Variants in RANBP2 observed in about 807,000 individuals in gnomAD.
The protein encoded by RANBP2 is RAN binding protein 2.
A neutral mutation model predicts 303.6 loss-of-function variants in RANBP2; 57 were observed. The observed-to-expected ratio is 0.19, with a 90% CI of 0.15 to 0.23. The LOEUF is 0.23. Ranked by LOEUF, RANBP2 falls within the 10% of genes least tolerant of loss-of-function variation. The pLI, the probability that RANBP2 is intolerant of heterozygous loss-of-function variation, is 1.00. For missense variants in RANBP2, 3,138 were observed against 3,780.8 expected (o/e 0.83, Z 4.46); for synonymous variants, 1,167 against 1,301.5 (o/e 0.90, Z 2.23).
At chr2:108,878,938 AATAT>A in the RANBP2 span, among the ~76,000 whole-genome samples, 1 of 152,218 alleles carries the variant, frequency 6.6e-6, no homozygotes, top group Non-Finnish European at 1.5e-5. Flanking sequence ...AAAGAAATGA[AATAT>A]ATAGATATAG....
the RANBP2 span, among the ~76,000 whole-genome samples, chr2:109,414,681 C>G: frequency 6.6e-6 from 1 of 152,182 alleles, no homozygotes; most frequent in Non-Finnish European, 1.5e-5. Context: ...GCATTACCAG[C>G]ACCCTCATCA....
At chr2:108,810,830 G>A in the RANBP2 span, among the ~76,000 whole-genome samples, 1 of 152,132 alleles carries the variant, frequency 6.6e-6, no homozygotes, top group Non-Finnish European at 1.5e-5. Flanking sequence ...TTTCTTTGTT[G>A]GGAAACTTTT....
the RANBP2 span, among the ~76,000 whole-genome samples, chr2:109,472,238 C>G: frequency 6.6e-6 from 1 of 152,126 alleles, no homozygotes; most frequent in African/African-American, 2.4e-5. Context: ...GGCACTTATT[C>G]AGGGAGGTGC....
the RANBP2 span, among the ~76,000 whole-genome samples, chr2:109,400,358 C>T: frequency 6.6e-5 from 10 of 152,140 alleles, no homozygotes; most frequent in South Asian, 2.1e-4. Context: ...TTACATACAC[C>T]GCCATCCACA....
chr2:108,838,758 A>G, the RANBP2 span, among the ~76,000 whole-genome samples: 591 of 152,252 alleles, frequency 3.9e-3, 3 homozygotes, highest in Non-Finnish European at 7.2e-3. Context: ...TATCTTTTTC[A>G]GTATAAATTT....
chr2:109,615,301 G>A, the RANBP2 span: 1 of 1,603,626 alleles, frequency 6.2e-7, no homozygotes, highest in Non-Finnish European at 8.5e-7. Flanking sequence ...GAGCACGCGT[G>A]GATGCTCTCT....
chr2:109,774,625 T>C, the RANBP2 span, among the ~76,000 whole-genome samples: 4 of 76,526 alleles, frequency 5.2e-5, 1 homozygote, highest in East Asian at 1.6e-3. Context: ...AGATTTATTC[T>C]GAACTTTCAA....
chr2:108,979,428 C>G, the RANBP2 span, among the ~76,000 whole-genome samples: 1 of 44,998 alleles, frequency 2.2e-5, no homozygotes, highest in African/African-American at 5.8e-5. Flanking sequence ...TGCTGTCTCT[C>G]TCTCTCTTTC....
At chr2:109,389,823 TG>T in the RANBP2 span, among the ~76,000 whole-genome samples, 2 of 152,132 alleles carry the variant, frequency 1.3e-5, no homozygotes, top group Admixed American at 6.5e-5. Context: ...GCTTCCCTGA[TG>T]GGGGTGCACT....
the RANBP2 span, among the ~76,000 whole-genome samples, chr2:109,179,326 C>T: frequency 6.6e-6 from 1 of 152,166 alleles, no homozygotes; most frequent in Non-Finnish European, 1.5e-5. Context: ...TTCAGAGCTG[C>T]TGACAGTGAG....
chr2:109,232,511 A>G, the RANBP2 span, among the ~76,000 whole-genome samples: 1 of 152,176 alleles, frequency 6.6e-6, no homozygotes, highest in African/African-American at 2.4e-5. Flanking sequence ...CTGAGGGGGA[A>G]ATGAAACAGC....
At chr2:109,438,685 C>T in the RANBP2 span, among the ~76,000 whole-genome samples, 2 of 152,180 alleles carry the variant, frequency 1.3e-5, no homozygotes, top group Non-Finnish European at 2.9e-5. Flanking sequence ...TCTGATCAGC[C>T]GTCCTTCAGC....
chr2:109,134,075 C>A, the RANBP2 span, among the ~76,000 whole-genome samples: 1 of 152,176 alleles, frequency 6.6e-6, no homozygotes, highest in African/African-American at 2.4e-5. Context: ...CCGAGATTTT[C>A]TGTTGAACAT....
chr2:109,485,637 T>A, the RANBP2 span, among the ~76,000 whole-genome samples: 1 of 152,252 alleles, frequency 6.6e-6, no homozygotes, highest in Admixed American at 6.5e-5. Flanking sequence ...CCTTCAAAAT[T>A]CTCCTTTTTA....
rs1445506196 is a variant in RANBP2 at position 108,758,439 on chromosome 2, T to C, written c.2493T>C (p.Asn831=). ...AAGAAATGCAGGAGTTGAAACTAAA[T>C]AGCAGTAACTCAGCATCCCCTCATC... ...IKKEMQELKL[N]SSNSASPHRW... Residue 831 remains asparagine, a synonymous_variant, in exon 18 of 29, where the codon AAT becomes AAC. Transcript: ENST00000283195. 8 of 1,611,882 alleles carry C rather than the reference T, an allele frequency of 5.0e-6. No homozygotes were observed. Among genetic ancestry groups the C allele is most frequent in the Non-Finnish European group, 6.8e-6 (8 of 1,179,834 alleles).
At chr2:109,295,903 T>G in the RANBP2 span, among the ~76,000 whole-genome samples, 1 of 152,154 alleles carries the variant, frequency 6.6e-6, no homozygotes, top group African/African-American at 2.4e-5. Context: ...AGGTGGGGCT[T>G]GAGGACAGAA....
At chr2:109,159,270 G>C in the RANBP2 span, among the ~76,000 whole-genome samples, 1 of 152,134 alleles carries the variant, frequency 6.6e-6, no homozygotes, top group African/African-American at 2.4e-5. Flanking sequence ...GCTCTATCCC[G>C]GCGCAGCTGC....
At chr2:109,442,583 T>G in the RANBP2 span, among the ~76,000 whole-genome samples, 10 of 152,238 alleles carry the variant, frequency 6.6e-5, no homozygotes, top group Non-Finnish European at 1.3e-4. Flanking sequence ...AACACAAAGT[T>G]TGGGAAGGGA....
the RANBP2 span, among the ~76,000 whole-genome samples, chr2:109,341,860 A>T: frequency 6.6e-6 from 1 of 152,204 alleles, no homozygotes; most frequent in Non-Finnish European, 1.5e-5. Context: ...CCTGCAGGCA[A>T]GGCTGGAAAA....
Sources: gnomAD v4.1 joint callset for allele counts (sites outside exome capture counted in the v4.1 genomes callset) on GRCh38, gnomAD v4.1.1 for gene constraint, MANE v1.5 for transcripts, NCBI Gene and HGNC (gene_info 2026-07-23, HGNC 2026-07-21) for gene names.